The following HGD variants were observed in gnomAD, a reference collection of about 807,000 sequenced individuals.
HGD encodes the protein homogentisate 1,2-dioxygenase, also known as homogentisate oxidase.
A neutral mutation model predicts 60.8 loss-of-function variants in HGD; 61 were observed. The observed-to-expected ratio is 1.00, with a 90% confidence interval of 0.82 to 1.24. The LOEUF (loss-of-function observed/expected upper bound fraction) is 1.24. HGD is among the 50% of genes most tolerant of loss of function. The pLI is 0.00. For synonymous variants in HGD, 212 were observed against 187.7 expected (o/e 1.13, Z -1.06); for missense variants, 542 against 547.1 (o/e 0.99, Z 0.09).
intron 4 of HGD, 59 bp downstream of exon 4, chr3:120,670,368 G>C (rs777128296): frequency 5.6e-5 from 47 of 836,802 alleles, no homozygotes; most frequent in Non-Finnish European, 9.8e-5. Context: ...ATTCTATTTA[G>C]GTATTTCTAG....
chr3:120,638,418 T>C lies in HGD; in HGVS notation c.1006+37A>G, dbSNP rs754125379. On this transcript the variant is annotated intron_variant, in intron 12 of 13. Transcript: ENST00000283871. ...AGCGCTCACTGCTTTGTTGTCTCTT[T>C]GGCTTGCAAATGTGGCTTGGTAAAA... 1.1e-5 allele frequency: 18 copies of C among 1,613,208 alleles called. No homozygotes were observed. The South Asian group carries it at 2.0e-4, about 18-fold the overall frequency.
At position 120,630,806 on chromosome 3, in the gene HGD, A is replaced by G. The variant is rs1043824655; in HGVS notation, c.1189-2277T>C. On this transcript the variant is annotated intron_variant, in intron 13 of 13. Transcript: ENST00000283871. ...AATTAAACTTAAGAGCTTTATATAT[A>G]TATATATATATATATATATACACAT... Among the ~76,000 whole-genome samples, 78 of 79,386 alleles carry G rather than the reference A, an allele frequency of 9.8e-4. 2 individuals carry two copies. Among genetic ancestry groups the G allele is most frequent in the African/African-American group, 5.0e-3 (75 of 14,988 alleles). The allele number at this position is 79,386 out of a possible 152,430, so 52.1% of individuals were successfully genotyped here. A position where few individuals can be genotyped will look rare whatever the true frequency, so the allele number is the denominator to read the frequency against.
chr3:120,628,613 G>C, intron 13 of HGD, 84 bp from the exon 14 acceptor site: 1 of 1,451,954 alleles, frequency 6.9e-7, no homozygotes, highest in Non-Finnish European at 9.6e-7. Flanking sequence ...AGAAGGTATG[G>C]GTAGGTGAAA....
intron 6 of HGD, among the ~76,000 whole-genome samples, chr3:120,650,556 G>T (rs1559790028): frequency 6.6e-6 from 1 of 152,180 alleles, no homozygotes; most frequent in African/African-American, 2.4e-5. Flanking sequence ...TGATGTGCTT[G>T]TTTATATCAC....
At chr3:120,670,403 C>T in intron 4 of HGD, 24 bp downstream of exon 4, 1 of 1,168,258 alleles carries the variant, frequency 8.6e-7, no homozygotes. Context: ...ATATGATAAG[C>T]TTCAATTCAC....
intron 12 of HGD, among the ~76,000 whole-genome samples, chr3:120,638,249 T>C (rs906308575): frequency 3.0e-4 from 46 of 152,212 alleles, no homozygotes; most frequent in African/African-American, 1.1e-3. Context: ...TATTCCTTTA[T>C]AGCAACGAAG....
chr3:120,648,649 G>A (rs1001547854), intron 6 of HGD, among the ~76,000 whole-genome samples: 1 of 152,122 alleles, frequency 6.6e-6, no homozygotes, highest in African/African-American at 2.4e-5. Flanking sequence ...AGCCAAAGTC[G>A]GGTAGCCTGC....
chr3:120,636,338 T>C lies in HGD; in HGVS notation c.1006+2117A>G, dbSNP rs541940482. 1.1e-4 allele frequency among the ~76,000 whole-genome samples: 17 copies of C among 151,110 alleles called. No individual in the cohort carries two copies. The East Asian group carries it at 3.3e-3, about 29-fold the overall frequency. ...TGTGGGAACTTGTTAAAAATGCAAA[T>C]TCTTAGGTCCTATCCCAGACCTACT... On this transcript the variant is annotated intron_variant, in intron 12 of 13. Transcript: ENST00000283871.
chr3:120,649,178 G>A (rs1282521286), intron 6 of HGD, among the ~76,000 whole-genome samples: 1 of 128,092 alleles, frequency 7.8e-6, no homozygotes, highest in Non-Finnish European at 1.6e-5. Context: ...AGTCTCACAC[G>A]GTTGTCCGGG....
intron 6 of HGD, among the ~76,000 whole-genome samples, chr3:120,649,478 C>T (rs532215083): frequency 6.6e-6 from 1 of 152,044 alleles, no homozygotes; most frequent in Non-Finnish European, 1.5e-5. Flanking sequence ...AAGAATGACT[C>T]CCTTTTGGGT....
chr3:120,659,375 C>T (rs1941592857), intron 4 of HGD, among the ~76,000 whole-genome samples: 1 of 152,158 alleles, frequency 6.6e-6, no homozygotes, highest in African/African-American at 2.4e-5. Flanking sequence ...TTTCTTGTAC[C>T]AGACACCTTA....
At chr3:120,628,650 T>C (rs1016447988) in intron 13 of HGD, 121 bp from the exon 14 acceptor site, 1 of 1,181,012 alleles carries the variant, frequency 8.5e-7, no homozygotes, top group African/African-American at 1.5e-5. Flanking sequence ...CAAAGATTTG[T>C]GTGCTAGAGT....
intron 11 of HGD, 95 bp from the exon 12 acceptor site, chr3:120,638,676 G>A: frequency 7.1e-7 from 1 of 1,408,520 alleles, no homozygotes; most frequent in Non-Finnish European, 9.9e-7. Flanking sequence ...GTTTGCAAGT[G>A]ACATTCTAAT....
intron 13 of HGD, 63 bp from the exon 14 acceptor site, chr3:120,628,592 T>C: frequency 2.6e-6 from 4 of 1,557,868 alleles, no homozygotes; most frequent in Non-Finnish European, 3.5e-6. Context: ...CACATTTGAT[T>C]AGATGTCAAC....
At chr3:120,643,164 C>T (rs1166494226) in intron 10 of HGD, among the ~76,000 whole-genome samples, 1 of 152,148 alleles carries the variant, frequency 6.6e-6, no homozygotes, top group African/African-American at 2.4e-5. Context: ...TGCTCTGTCG[C>T]CCGGGCTGGA....
At chr3:120,650,555 T>C (rs1158010945) in intron 6 of HGD, among the ~76,000 whole-genome samples, 1 of 152,254 alleles carries the variant, frequency 6.6e-6, no homozygotes, top group Non-Finnish European at 1.5e-5. Flanking sequence ...GTGATGTGCT[T>C]GTTTATATCA....
rs140006287 is a variant in HGD, at chr3:120,679,698, C to T, written c.15+2399G>A. 3.5e-3 allele frequency among the ~76,000 whole-genome samples: 539 copies of T among 152,240 alleles called. 3 individuals carry two copies. The highest frequency in any genetic ancestry group is 0.013 in the South Asian group (63 of 4,818). ...TGACGTGATTACAAAAGCAGAGATA[C>T]ATTTTTTTGAAGATCGAGGAAGAGG... On this transcript the variant is annotated intron_variant, in intron 1 of 13. Transcript: ENST00000283871.
At chr3:120,655,531 C>T (rs947376270) in intron 4 of HGD, among the ~76,000 whole-genome samples, 1 of 152,092 alleles carries the variant, frequency 6.6e-6, no homozygotes, top group Non-Finnish European at 1.5e-5. Context: ...TAAGAAAATC[C>T]CCAAGGTGGT....
chr3:120,666,159 A>G (rs1439472930), intron 4 of HGD, among the ~76,000 whole-genome samples: 1 of 152,208 alleles, frequency 6.6e-6, no homozygotes, highest in Non-Finnish European at 1.5e-5. Flanking sequence ...GAAAGATAAT[A>G]AACTGCTACC....
Sources: allele counts gnomAD v4.1 joint callset (sites outside exome capture counted in the v4.1 genomes callset), GRCh38; gene constraint gnomAD v4.1.1; transcripts MANE v1.5; gene names NCBI Gene and HGNC (gene_info 2026-07-23, HGNC 2026-07-21).